The following RBFOX1 variants were observed in gnomAD, a reference collection of about 807,000 sequenced individuals.
RBFOX1 encodes RNA binding fox-1 homolog 1.
In RBFOX1, 8 loss-of-function variants were observed where a neutral mutation model predicts 57.7. The observed-to-expected ratio is 0.14, with a 90% CI of 0.08 to 0.25. The LOEUF (loss-of-function observed/expected upper bound fraction) is 0.25. Ranked by LOEUF, RBFOX1 falls within the 10% of genes least tolerant of loss-of-function variation. RBFOX1 has a pLI of 1.00. For missense variants in RBFOX1, 611 were observed against 548.5 expected (o/e 1.11, Z -1.14); for synonymous variants, 326 against 222.4 (o/e 1.47, Z -4.15).
At chr16:5,676,003 A>G (rs1041617019) in intron 3 of RBFOX1, among the ~76,000 whole-genome samples, 1 of 152,174 alleles carries the variant, frequency 6.6e-6, no homozygotes, top group Non-Finnish European at 1.5e-5. Flanking sequence ...AAGGCATCGC[A>G]TGTTCTCAGT....
chr16:5,963,432 A>C (rs2059788284), intron 4 of RBFOX1, among the ~76,000 whole-genome samples: 1 of 152,246 alleles, frequency 6.6e-6, no homozygotes, highest in South Asian at 2.1e-4. Context: ...GGCAAGGAAC[A>C]ACAGATGTTG....
intron 1 of RBFOX1, among the ~76,000 whole-genome samples, chr16:6,229,501 C>G (rs983340583): frequency 1.3e-5 from 2 of 151,966 alleles, no homozygotes. Flanking sequence ...CATTAAGTGA[C>G]GCAAACACAA....
chr16:7,385,931 T>TTTATTTA (rs2097869414), intron 4 of RBFOX1, among the ~76,000 whole-genome samples: 1 of 126,418 alleles, frequency 7.9e-6, no homozygotes, highest in African/African-American at 2.8e-5. Context: ...TATTTATTTA[T>TTTATTTA]TTATTTATTT....
intron 2 of RBFOX1, among the ~76,000 whole-genome samples, chr16:6,598,566 T>G (rs1401566440): frequency 6.6e-6 from 1 of 152,228 alleles, no homozygotes; most frequent in African/African-American, 2.4e-5. Flanking sequence ...AGAAACACTT[T>G]AAAAGTTCAA....
intron 4 of RBFOX1, among the ~76,000 whole-genome samples, chr16:7,159,761 C>T (rs983186533): frequency 5.3e-5 from 8 of 152,152 alleles, no homozygotes; most frequent in East Asian, 1.9e-4. Context: ...GTCTTTCCTC[C>T]CTCCCATCAA....
At chr16:6,509,033 C>T (rs1640966) in intron 2 of RBFOX1, among the ~76,000 whole-genome samples, 2 of 152,040 alleles carry the variant, frequency 1.3e-5, no homozygotes, top group Non-Finnish European at 2.9e-5. Context: ...CTTCATGGCA[C>T]CATACATTTG....
chr16:5,850,965 A>T (rs904905689), intron 3 of RBFOX1, among the ~76,000 whole-genome samples: 3 of 152,138 alleles, frequency 2.0e-5, no homozygotes, highest in Non-Finnish European at 2.9e-5. Context: ...GCGTTCCCGG[A>T]GGCTCATGCA....
intron 5 of RBFOX1, among the ~76,000 whole-genome samples, chr16:7,536,850 C>A (rs192059516): frequency 3.5e-4 from 53 of 152,298 alleles, no homozygotes; most frequent in Non-Finnish European, 2.8e-4. Context: ...GCTTTTCTGT[C>A]TGCTTTTCTG....
chr16:5,972,360 A>G (rs2059979004), intron 4 of RBFOX1, among the ~76,000 whole-genome samples: 1 of 152,208 alleles, frequency 6.6e-6, no homozygotes, highest in Admixed American at 6.5e-5. Flanking sequence ...AGACAGTGTC[A>G]CTGACCATCA....
At chr16:6,057,260 G>A (rs1002935758) in intron 1 of RBFOX1, among the ~76,000 whole-genome samples, 1 of 151,792 alleles carries the variant, frequency 6.6e-6, no homozygotes, top group African/African-American at 2.4e-5. Flanking sequence ...TCATTCATTG[G>A]CTTTATGTTG....
At chr16:5,367,904 G>T (rs1052618814) in intron 1 of RBFOX1, among the ~76,000 whole-genome samples, 1 of 152,100 alleles carries the variant, frequency 6.6e-6, no homozygotes, top group Non-Finnish European at 1.5e-5. Context: ...ACAGGACTCT[G>T]GACGTTAAGA....
At chr16:5,685,900 A>G (rs80110268) in intron 3 of RBFOX1, among the ~76,000 whole-genome samples, 14,960 of 152,284 alleles carry the variant, frequency 0.098, 1,333 homozygotes, top group East Asian at 0.41. Context: ...TGTTCATTGC[A>G]GCAATGTTTG....
rs180897602 is a variant in RBFOX1, at chr16:7,639,981, C to T, written c.757+9298C>T. Among the ~76,000 whole-genome samples the T allele has an allele frequency of 1.4e-3, 217 of 152,314 alleles. 1 individual carries two copies. The highest frequency in any genetic ancestry group is 5.1e-3 in the African/African-American group (210 of 41,566). On this transcript the variant is annotated intron_variant, in intron 11 of 15. Transcript: ENST00000550418. ...GATTATTCTTTCTCCATCACTGAAG[C>T]ACCATCTCTGCTTTTCTCCATCTGC...
chr16:6,293,603 T>G (rs1056434376), intron 1 of RBFOX1, among the ~76,000 whole-genome samples: 1 of 152,156 alleles, frequency 6.6e-6, no homozygotes, highest in African/African-American at 2.4e-5. Context: ...GATGATTATG[T>G]GATACCTTAT....
chr16:6,766,615 A>T (rs934456562), intron 3 of RBFOX1, among the ~76,000 whole-genome samples: 1 of 151,978 alleles, frequency 6.6e-6, no homozygotes, highest in Non-Finnish European at 1.5e-5. Flanking sequence ...GAGCACTCAC[A>T]GTCAAGCTAG....
intron 2 of RBFOX1, among the ~76,000 whole-genome samples, chr16:6,410,816 C>A (rs2093436361): frequency 6.6e-6 from 1 of 152,142 alleles, no homozygotes; most frequent in African/African-American, 2.4e-5. Flanking sequence ...ACAAACCTAC[C>A]TGGAAGTAGG....
intron 1 of RBFOX1, among the ~76,000 whole-genome samples, chr16:6,082,873 A>G (rs924889406): frequency 6.6e-6 from 1 of 152,170 alleles, no homozygotes; most frequent in Non-Finnish European, 1.5e-5. Flanking sequence ...CGGGTGTCAT[A>G]GGAAGTGCTT....
intron 2 of RBFOX1, among the ~76,000 whole-genome samples, chr16:6,364,303 C>G (rs913111530): frequency 6.6e-6 from 1 of 152,176 alleles, no homozygotes; most frequent in African/African-American, 2.4e-5. Flanking sequence ...GAAAAGTTTT[C>G]TTATGTTTTA....
At chr16:6,797,810 C>T (rs1257538833) in intron 3 of RBFOX1, among the ~76,000 whole-genome samples, 4 of 152,142 alleles carry the variant, frequency 2.6e-5, no homozygotes, top group African/African-American at 7.2e-5. Context: ...AGTAACACAA[C>T]ATTATGTCTG....
Sources: gnomAD v4.1 joint callset for allele counts (sites outside exome capture counted in the v4.1 genomes callset) on GRCh38, gnomAD v4.1.1 for gene constraint, MANE v1.5 for transcripts, NCBI Gene and HGNC (gene_info 2026-07-23, HGNC 2026-07-21) for gene names.